Variants in ABI3BP observed in about 807,000 individuals in gnomAD.
ABI3BP encodes the protein target of Nesh-SH3.
In ABI3BP, 216 loss-of-function variants were observed where a neutral mutation model predicts 268.6. The ratio of observed to expected loss-of-function variants is 0.80; its 90% CI spans 0.72 to 0.90. The LOEUF (loss-of-function observed/expected upper bound fraction) is 0.90. Ranked by LOEUF, ABI3BP falls within the 40% of genes least tolerant of loss-of-function variation. The pLI, the probability that ABI3BP is intolerant of heterozygous loss-of-function variation, is 0.00. For missense variants in ABI3BP, 2,090 were observed against 2,182.4 expected, an observed-to-expected ratio of 0.96 and a Z score of 0.84; for synonymous variants, 730 against 730.0, an observed-to-expected ratio of 1.00 and a Z score of 0.00.
chr3:100,917,042 C>A (rs2153589745), intron 2 of ABI3BP, among the ~76,000 whole-genome samples: 1 of 152,250 alleles, frequency 6.6e-6, no homozygotes, highest in African/African-American at 2.4e-5. Flanking sequence ...TAGAGTCAAC[C>A]CTTTACCCCA....
At chr3:100,922,310 C>T (rs563293322) in intron 2 of ABI3BP, among the ~76,000 whole-genome samples, 1 of 152,232 alleles carries the variant, frequency 6.6e-6, no homozygotes, top group African/African-American at 2.4e-5. Context: ...ATGCCCCCAA[C>T]AAAGCTTGCT....
chr3:100,980,255 G>A (rs1472289215), intron 1 of ABI3BP, among the ~76,000 whole-genome samples: 1 of 151,732 alleles, frequency 6.6e-6, no homozygotes, highest in African/African-American at 2.4e-5. Context: ...TTTTTGAGAT[G>A]GAGTCTTGCT....
At chr3:100,795,549 T>A (rs1184149992) in intron 53 of ABI3BP, among the ~76,000 whole-genome samples, 1 of 152,048 alleles carries the variant, frequency 6.6e-6, no homozygotes, top group Admixed American at 6.6e-5. Context: ...GTAAACATAC[T>A]GGACTCATTT....
intron 1 of ABI3BP, among the ~76,000 whole-genome samples, chr3:100,976,649 C>A (rs994193153): frequency 4.6e-5 from 7 of 152,162 alleles, no homozygotes; most frequent in African/African-American, 1.7e-4. Flanking sequence ...CCTGGAGATA[C>A]AATTACATGA....
chr3:100,756,373 A>C (rs913714911), intron 63 of ABI3BP, among the ~76,000 whole-genome samples: 5 of 152,180 alleles, frequency 3.3e-5, no homozygotes, highest in Non-Finnish European at 7.3e-5. Context: ...AAAAATACAA[A>C]AATTAGCTGG....
rs1442759230 is a variant in ABI3BP, at chr3:100,850,011, A to G, written c.1501+34T>C. The stretch of plus-strand genomic sequence containing the variant: ...ACTTCTCACATTACCTGTTTCGTCA[A>G]TGCATACATAACTACATAAATGTCA... On this transcript the variant is annotated intron_variant, in intron 17 of 67. Coordinates refer to ENST00000471714, the MANE Select transcript of ABI3BP (RefSeq NM_001375547.2). 2.0e-5 allele frequency: 31 copies of G among 1,571,298 alleles called. No homozygotes were observed. In the Admixed American group the frequency reaches 4.2e-4, roughly 21 times the overall value.
chr3:100,949,099 A>G (rs1242440990), intron 1 of ABI3BP, among the ~76,000 whole-genome samples: 1 of 152,192 alleles, frequency 6.6e-6, no homozygotes, highest in Non-Finnish European at 1.5e-5. Context: ...ATTTTCTTCA[A>G]TATAAATATA....
intron 57 of ABI3BP, among the ~76,000 whole-genome samples, chr3:100,785,885 A>G (rs1171216388): frequency 6.6e-6 from 1 of 152,222 alleles, no homozygotes; most frequent in Non-Finnish European, 1.5e-5. Context: ...TGTTTTGTGC[A>G]TATAATTGGA....
chr3:100,762,457 C>T (rs1478994672), intron 63 of ABI3BP, among the ~76,000 whole-genome samples: 2 of 152,062 alleles, frequency 1.3e-5, no homozygotes. Context: ...TTATCAAATT[C>T]TAGTCTCAAG....
Position 100,917,831 on chromosome 3 carries a change from T to C in ABI3BP, c.259+8471A>G, listed in dbSNP as rs142669293. On this transcript the variant is annotated intron_variant, in intron 2 of 67. Coordinates refer to ENST00000471714, the MANE Select transcript of ABI3BP (RefSeq NM_001375547.2). ...ATGAAAACATTGTAGTTGAATCCAG[T>C]AGAAAAAAACAGGACTTTGAAGGGA... 4.3e-3 allele frequency among the ~76,000 whole-genome samples: 649 copies of C among 152,228 alleles called. 3 individuals carry two copies. Among genetic ancestry groups the C allele is most frequent in the African/African-American group, 0.014 (601 of 41,532 alleles).
chr3:100,777,303 T>C (rs889912324), intron 59 of ABI3BP, among the ~76,000 whole-genome samples: 8 of 152,206 alleles, frequency 5.3e-5, no homozygotes, highest in Admixed American at 6.5e-5. Context: ...GGAGGAAAGA[T>C]GGGGAACATG....
chr3:100,935,660 G>A (rs965979456), intron 1 of ABI3BP, among the ~76,000 whole-genome samples: 1 of 152,112 alleles, frequency 6.6e-6, no homozygotes, highest in African/African-American at 2.4e-5. Flanking sequence ...TCCTTGAGCA[G>A]TGGTTTGTAG....
At chr3:100,852,448 C>CCCTT (rs1277968487) in intron 14 of ABI3BP, among the ~76,000 whole-genome samples, 2 of 152,134 alleles carry the variant, frequency 1.3e-5, no homozygotes, top group African/African-American at 4.8e-5. Context: ...ACTTATTGAA[C>CCCTT]CCTTTTAACA....
intron 1 of ABI3BP, among the ~76,000 whole-genome samples, chr3:100,966,858 C>T (rs1319044486): frequency 6.6e-6 from 1 of 151,986 alleles, no homozygotes; most frequent in Non-Finnish European, 1.5e-5. Context: ...ACCACACCCC[C>T]ATGATGAGCA....
At chr3:100,778,581 G>A (rs562989001) in intron 58 of ABI3BP, 8 of 585,344 alleles carry the variant, frequency 1.4e-5, no homozygotes, top group African/African-American at 7.5e-5. Flanking sequence ...GGACAACAAC[G>A]CACTGTAGTA....
chr3:100,898,996 T>C, intron 3 of ABI3BP, 102 bp from the exon 4 acceptor site: 1 of 1,248,704 alleles, frequency 8.0e-7, no homozygotes, highest in Non-Finnish European at 1.1e-6. Context: ...TGATGCAAAA[T>C]GTGAAAACAT....
chr3:100,775,971 T>G (rs190123202), intron 59 of ABI3BP, among the ~76,000 whole-genome samples: 3 of 152,248 alleles, frequency 2.0e-5, no homozygotes, highest in African/African-American at 7.2e-5. Flanking sequence ...GTGGCAGGCA[T>G]GGAAGATGGC....
intron 57 of ABI3BP, among the ~76,000 whole-genome samples, chr3:100,785,473 T>C (rs1246599497): frequency 2.0e-5 from 3 of 152,178 alleles, no homozygotes; most frequent in Admixed American, 6.5e-5. Flanking sequence ...AAAATAGTAT[T>C]CTCTAGGCAA....
chr3:100,885,543 TG>T lies in ABI3BP; in HGVS notation c.688del (p.His230ThrfsTer11). 1 of 1,552,088 alleles carries T rather than the reference TG, an allele frequency of 6.4e-7. No individual in the cohort carries two copies. The highest frequency in any genetic ancestry group is 8.7e-7 in the Non-Finnish European group (1 of 1,144,342). On this transcript the variant is annotated frameshift_variant, in exon 6 of 68. Transcript: ENST00000471714. LOFTEE classifies it high-confidence loss of function. ...AAATAAACTGTTACATACCACTGTG[TG>T]GTCTTGGTCATAGGTACTTTGGATT... ...GKIQSTYDQD[H>X]TVPAYVPRKL...
Sources: gnomAD v4.1 joint callset for allele counts (sites outside exome capture counted in the v4.1 genomes callset) on GRCh38, gnomAD v4.1.1 for gene constraint, MANE v1.5 for transcripts, NCBI Gene and HGNC (gene_info 2026-07-23, HGNC 2026-07-21) for gene names.